The following OSBPL8 variants were observed in gnomAD, a reference collection of about 807,000 sequenced individuals.
OSBPL8 encodes oxysterol-binding protein-related protein 8.
In OSBPL8, 59 loss-of-function variants were observed where a neutral mutation model predicts 125.5. That is an observed-to-expected ratio of 0.47 (90% confidence interval 0.38 to 0.58). The LOEUF is 0.58. Ranked by LOEUF, OSBPL8 falls within the 20% of genes least tolerant of loss-of-function variation. The pLI is 0.00. For synonymous variants in OSBPL8, 330 were observed against 338.9 expected, an observed-to-expected ratio of 0.97 and a Z score of 0.29; for missense variants, 758 against 1,047.8, an observed-to-expected ratio of 0.72 and a Z score of 3.82.
intron 21 of OSBPL8, 46 bp from the exon 22 acceptor site, chr12:76,358,857 A>G: frequency 7.0e-7 from 1 of 1,426,092 alleles, no homozygotes; most frequent in Non-Finnish European, 9.9e-7. Flanking sequence ...TGTATTTTGG[A>G]CTAAAGACCA....
intron 17 of OSBPL8, among the ~76,000 whole-genome samples, chr12:76,374,248 T>C (rs1264536107): frequency 1.3e-5 from 2 of 152,128 alleles, no homozygotes; most frequent in Non-Finnish European, 1.5e-5. Flanking sequence ...CACATTAAGT[T>C]CTCAAATTTC....
At chr12:76,379,801 T>C (rs1024784650) in intron 15 of OSBPL8, among the ~76,000 whole-genome samples, 5 of 152,254 alleles carry the variant, frequency 3.3e-5, no homozygotes, top group African/African-American at 1.2e-4. Flanking sequence ...TGAATAATGT[T>C]GTGTATACTT....
intron 4 of OSBPL8, among the ~76,000 whole-genome samples, chr12:76,434,793 C>G (rs1871249788): frequency 1.3e-5 from 2 of 152,134 alleles, no homozygotes; most frequent in Non-Finnish European, 2.9e-5. Flanking sequence ...CAGGGAAACA[C>G]AAGTCAAAAC....
intron 12 of OSBPL8, among the ~76,000 whole-genome samples, chr12:76,387,744 T>G (rs1204333088): frequency 6.6e-6 from 1 of 152,236 alleles, no homozygotes; most frequent in Non-Finnish European, 1.5e-5. Context: ...ACAATGGTGC[T>G]AAGTTGAAAG....
chr12:76,410,727 C>T, intron 4 of OSBPL8, 93 bp from the exon 5 acceptor site: 2 of 844,620 alleles, frequency 2.4e-6, no homozygotes, highest in Non-Finnish European at 1.9e-6. Context: ...TGATATAAAT[C>T]AGTGCAGGAA....
intron 4 of OSBPL8, among the ~76,000 whole-genome samples, chr12:76,432,817 A>C (rs1292343337): frequency 6.6e-6 from 1 of 152,192 alleles, no homozygotes; most frequent in Non-Finnish European, 1.5e-5. Context: ...CAGAAAAAAT[A>C]GATATTACAA....
At chr12:76,385,908 T>A in intron 14 of OSBPL8, 24 of 307,154 alleles carry the variant, frequency 7.8e-5, no homozygotes, top group Non-Finnish European at 1.1e-4. Context: ...AAAAAAAAAA[T>A]TAAAAAAAGG....
intron 21 of OSBPL8, among the ~76,000 whole-genome samples, chr12:76,362,344 C>T (rs574079034): frequency 2.0e-5 from 3 of 152,066 alleles, no homozygotes; most frequent in Admixed American, 6.5e-5. Flanking sequence ...AAGATCAAGT[C>T]GGTTTCATCC....
intron 4 of OSBPL8, among the ~76,000 whole-genome samples, chr12:76,432,652 A>C (rs901420938): frequency 6.6e-6 from 1 of 152,172 alleles, no homozygotes; most frequent in African/African-American, 2.4e-5. Context: ...AAAGAACAAC[A>C]AACTAAGCCC....
chr12:76,513,751 T>C (rs561355804), intron 1 of OSBPL8, among the ~76,000 whole-genome samples: 1 of 151,642 alleles, frequency 6.6e-6, no homozygotes, highest in Non-Finnish European at 1.5e-5. Flanking sequence ...TGGGTTTTTT[T>C]TTTTTTTTTT....
chr12:76,413,118 T>C (rs1421465902), intron 4 of OSBPL8, among the ~76,000 whole-genome samples: 1 of 152,124 alleles, frequency 6.6e-6, no homozygotes, highest in Non-Finnish European at 1.5e-5. Context: ...CTTCCAAAGG[T>C]TTTAGAAAAT....
chr12:76,429,405 A>G (rs1441558362), intron 4 of OSBPL8, among the ~76,000 whole-genome samples: 1 of 151,888 alleles, frequency 6.6e-6, no homozygotes, highest in African/African-American at 2.4e-5. Context: ...TTCAATATGA[A>G]TGAGTACATG....
chr12:76,538,951 A>AT (rs1236145692), intron 1 of OSBPL8, among the ~76,000 whole-genome samples: 1 of 151,668 alleles, frequency 6.6e-6, no homozygotes, highest in African/African-American at 2.4e-5. Flanking sequence ...TCAAAAAAAA[A>AT]GAAAAAAAGA....
intron 1 of OSBPL8, among the ~76,000 whole-genome samples, chr12:76,493,965 G>A (rs1214083371): frequency 1.3e-5 from 2 of 151,986 alleles, no homozygotes; most frequent in East Asian, 1.9e-4. Flanking sequence ...GATCAGTTCT[G>A]CTGTTAACAG....
At chr12:76,546,551 T>C (rs1475327336) in intron 1 of OSBPL8, among the ~76,000 whole-genome samples, 1 of 152,084 alleles carries the variant, frequency 6.6e-6, no homozygotes, top group African/African-American at 2.4e-5. Flanking sequence ...ATTGTACATA[T>C]TTAAGGTGTA....
At chr12:76,371,652 A>G in intron 18 of OSBPL8, 68 bp from the exon 19 acceptor site, 1 of 1,251,090 alleles carries the variant, frequency 8.0e-7, no homozygotes, top group South Asian at 2.5e-5. Context: ...TAGTATAGTA[A>G]TATGACGGTG....
chr12:76,398,124 G>A (rs1215038489), intron 7 of OSBPL8, among the ~76,000 whole-genome samples: 1 of 152,148 alleles, frequency 6.6e-6, no homozygotes, highest in African/African-American at 2.4e-5. Context: ...CAGTTTCAAA[G>A]TAGTGTACTA....
intron 2 of OSBPL8, among the ~76,000 whole-genome samples, chr12:76,468,124 A>G (rs986027345): frequency 2.0e-5 from 3 of 152,218 alleles, no homozygotes; most frequent in Non-Finnish European, 4.4e-5. Flanking sequence ...TTATTATTAA[A>G]ACAAATGACA....
chr12:76,494,396 C>A (rs7315972), intron 1 of OSBPL8, among the ~76,000 whole-genome samples: 1 of 152,058 alleles, frequency 6.6e-6, no homozygotes. Flanking sequence ...GAGCAAGGAA[C>A]AACATGATCT....
Sources: allele counts gnomAD v4.1 joint callset (sites outside exome capture counted in the v4.1 genomes callset), GRCh38; gene constraint gnomAD v4.1.1; transcripts MANE v1.5; gene names NCBI Gene and HGNC (gene_info 2026-07-23, HGNC 2026-07-21).